KLHL28: variants seen among roughly 807,000 people sequenced by gnomAD.
KLHL28 encodes the protein kelch like family member 28.
A neutral mutation model predicts 48.3 loss-of-function variants in KLHL28; 22 were observed. The observed-to-expected ratio is 0.46, with a 90% confidence interval of 0.33 to 0.65. The LOEUF (loss-of-function observed/expected upper bound fraction) is 0.65, where lower values mean the gene tolerates loss of function less well. Ranked by LOEUF, KLHL28 falls within the 30% of genes least tolerant of loss-of-function variation. The probability of loss-of-function intolerance (pLI) is 0.03; values close to 1 mark genes in which losing one functional copy is unlikely to be tolerated. For synonymous variants in KLHL28, 243 were observed against 242.4 expected (o/e 1.00, Z -0.02); for missense variants, 527 against 704.3 (o/e 0.75, Z 2.85).
At position 44,926,827 on chromosome 14, in the gene KLHL28, C is replaced by T. The variant is rs760076781; in HGVS notation, c.*2201G>A. The T allele has an allele frequency of 1.3e-5, 2 of 152,130 alleles. No homozygotes were observed. The highest frequency in any genetic ancestry group is 2.9e-5 in the Non-Finnish European group (2 of 68,012). 9.4% of individuals were successfully genotyped at this position (152,130 alleles called of 1,614,324 possible). A position where few individuals can be genotyped will look rare whatever the true frequency, so the allele number is the denominator to read the frequency against. On this transcript the variant is annotated 3_prime_UTR_variant, in exon 5 of 5. Coordinates refer to ENST00000396128, the MANE Select transcript of KLHL28 (RefSeq NM_017658.5). ...CCGTCCTAAAATCATTTTCCACAGT[C>T]TTTCAAATTCCCTTATCTTTTGGGA...
At chr14:44,949,682 T>A (rs1884492595) in intron 1 of KLHL28, among the ~76,000 whole-genome samples, 1 of 152,110 alleles carries the variant, frequency 6.6e-6, no homozygotes, top group Non-Finnish European at 1.5e-5. Flanking sequence ...AAGACTTATA[T>A]CTAACAAGAA....
intron 1 of KLHL28, among the ~76,000 whole-genome samples, chr14:44,947,696 GA>G (rs1884396321): frequency 6.6e-6 from 1 of 152,060 alleles, no homozygotes; most frequent in Admixed American, 6.6e-5. Context: ...TTTTTAAGTG[GA>G]AAAAATCCAA....
At position 44,934,240 on chromosome 14, in the gene KLHL28, G is replaced by A; in HGVS notation, c.1218C>T (p.Tyr406=). 6.2e-7 allele frequency: 1 copy of A among 1,614,140 alleles called. No individual in the cohort carries two copies. Among genetic ancestry groups the A allele is most frequent in the Non-Finnish European group, 8.5e-7 (1 of 1,180,010 alleles). Residue 406 remains tyrosine, a synonymous_variant, in exon 3 of 5, where the codon TAC becomes TAT. Transcript: ENST00000396128. ...GTTGCCATTTTCTTATTTTGGGAAT[G>A]TACTTCTCTACAGATTGTAAATAAG... ...GQSYLQSVEK[Y]IPKIRKWQPV... is the part of the protein sequence containing the mutation.
At chr14:44,932,750 C>T (rs1387507204) in intron 3 of KLHL28, among the ~76,000 whole-genome samples, 1 of 152,178 alleles carries the variant, frequency 6.6e-6, no homozygotes, top group Non-Finnish European at 1.5e-5. Flanking sequence ...ATTTAAAATA[C>T]TTAACCTTTT....
chr14:44,935,504 C>T (rs901215434), intron 2 of KLHL28, among the ~76,000 whole-genome samples: 2 of 152,060 alleles, frequency 1.3e-5, no homozygotes, highest in African/African-American at 4.8e-5. Context: ...CACTATATAA[C>T]ATATCAATTA....
chr14:44,951,386 A>G (rs1884573671), intron 1 of KLHL28, among the ~76,000 whole-genome samples: 1 of 152,190 alleles, frequency 6.6e-6, no homozygotes, highest in African/African-American at 2.4e-5. Context: ...GCCTACATGG[A>G]TACATGCAAG....
Position 44,946,995 on chromosome 14 carries a change from T to C in KLHL28, c.1-1067A>G, listed in dbSNP as rs899979396. On this transcript the variant is annotated intron_variant, in intron 1 of 4. Transcript: ENST00000396128. ...GAAAGTGGAGAGACAATAAAGACTA[T>C]GGTAGGCAGAATAATGGCTCCCCAA... is the stretch of plus-strand genomic sequence containing the variant. Among the ~76,000 whole-genome samples the C allele has an allele frequency of 6.6e-5, 10 of 152,228 alleles. No homozygotes were observed. The East Asian group carries it at 1.7e-3, about 26-fold the overall frequency.
chr14:44,957,978 A>G (rs965313592), intron 1 of KLHL28, among the ~76,000 whole-genome samples: 6 of 152,014 alleles, frequency 3.9e-5, no homozygotes, highest in African/African-American at 1.4e-4. Flanking sequence ...AAAATGAAAT[A>G]AAGAAGGATC....
rs1884331620 is a variant in KLHL28 at position 44,946,251 on chromosome 14, A to T, written c.1-323T>A. Among the ~76,000 whole-genome samples, 3 of 152,196 alleles carry T rather than the reference A, an allele frequency of 2.0e-5. No homozygotes were observed. The South Asian group carries it at 6.2e-4, about 31-fold the overall frequency. ...TTTTCATTTTGTTTCCCCTGCATTA[A>T]ATTCAAGTCTGAGCTATCACTGAAA... On this transcript the variant is annotated intron_variant, in intron 1 of 4. Coordinates refer to ENST00000396128, the MANE Select transcript of KLHL28 (RefSeq NM_017658.5).
chr14:44,935,682 A>G (rs1187004596), intron 2 of KLHL28, among the ~76,000 whole-genome samples: 1 of 151,370 alleles, frequency 6.6e-6, no homozygotes, highest in East Asian at 1.9e-4. Context: ...AAGCAAGGGA[A>G]TAGTTCGTAA....
chr14:44,934,266 A>T lies in KLHL28; in HGVS notation c.1192T>A (p.Ser398Thr), dbSNP rs1344922730. 1 of 1,614,142 alleles carries T rather than the reference A, an allele frequency of 6.2e-7. No individual in the cohort carries two copies. The highest frequency in any genetic ancestry group is 8.5e-7 in the Non-Finnish European group (1 of 1,180,020). Residue 398 changes from serine (S) to threonine (T), a missense_variant, in exon 3 of 5, where the codon TCT (serine) becomes ACT (threonine). By Grantham distance (58) the Ser-to-Thr change is moderately conservative. Transcript: ENST00000396128. ...LYALGGYDGQ[S>T]YLQSVEKYIP... is the part of the protein sequence containing the mutation. ...TACTTCTCTACAGATTGTAAATAAGATTGTCCATCATAACCACCTAAGGCA... is the reference window on the plus strand; with the variant it reads ...TACTTCTCTACAGATTGTAAATAAGTTTGTCCATCATAACCACCTAAGGCA...
chr14:44,958,165 G>T (rs1269551840), intron 1 of KLHL28, among the ~76,000 whole-genome samples: 1 of 149,556 alleles, frequency 6.7e-6, no homozygotes, highest in Non-Finnish European at 1.5e-5. Context: ...GTATCCATTT[G>T]AAATTAAAAT....
chr14:44,955,854 AT>A (rs1280994454), intron 1 of KLHL28, among the ~76,000 whole-genome samples: 1 of 152,210 alleles, frequency 6.6e-6, no homozygotes, highest in African/African-American at 2.4e-5. Context: ...CATATAAAAA[AT>A]ATTCAGGGGC....
chr14:44,931,277 A>T, intron 4 of KLHL28, 56 bp downstream of exon 4: 1 of 1,094,868 alleles, frequency 9.1e-7, no homozygotes, highest in Non-Finnish European at 1.4e-6. Context: ...TATTGCAAGC[A>T]CATCATTATA....
chr14:44,958,855 T>G (rs1294726809), intron 1 of KLHL28, among the ~76,000 whole-genome samples: 1 of 152,074 alleles, frequency 6.6e-6, no homozygotes, highest in Non-Finnish European at 1.5e-5. Flanking sequence ...TAGTTTTGAC[T>G]GAAGACAGAA....
At position 44,945,691 on chromosome 14, in the gene KLHL28, A is replaced by G. The variant is rs1372759456; in HGVS notation, c.238T>C (p.Cys80Arg). 1.2e-6 allele frequency: 2 copies of G among 1,614,142 alleles called. No homozygotes were observed. Among genetic ancestry groups the G allele is most frequent in the South Asian group, 1.1e-5 (1 of 91,078 alleles). ...GCCTGGAGAGCAGTTTCATCAATGCATTGAAACTCAACCTCACTGTTCTCT... is the reference window on the plus strand; with the variant it reads ...GCCTGGAGAGCAGTTTCATCAATGCGTTGAAACTCAACCTCACTGTTCTCT... ...EKENSEVEFQ[C>R]IDETALQAIV... The change falls in exon 2 of 5, where the codon TGC becomes CGC. Residue 80 changes from cysteine (C) to arginine (R), a missense_variant. Cys to Arg is a radical substitution (Grantham distance 180, BLOSUM62 -3). Transcript: ENST00000396128.
intron 4 of KLHL28, among the ~76,000 whole-genome samples, 182 bp downstream of exon 4, chr14:44,931,150 TA>T (rs1211951298): frequency 6.6e-6 from 1 of 151,786 alleles, no homozygotes; most frequent in Non-Finnish European, 1.5e-5. Context: ...AAAGTCACAA[TA>T]AAGAAATCTA....
chr14:44,960,758 G>A lies in KLHL28; in HGVS notation c.-1+1088C>T, dbSNP rs191027873. The A allele has an allele frequency of 2.1e-3, 318 of 148,234 alleles. 2 individuals carry two copies. The highest frequency in any genetic ancestry group is 9.0e-3 in the African/African-American group (270 of 30,064). The allele number at this position is 148,234 out of a possible 1,614,324, so 9.2% of individuals were successfully genotyped here. On this transcript the variant is annotated intron_variant, in intron 1 of 4. Transcript: ENST00000396128. The stretch of plus-strand genomic sequence containing the variant: ...ACAAAACAAAACTGATATTCAAATC[G>A]TACTTTAAGGCAAAAATCCAGAAAT...
At chr14:44,955,029 G>A (rs1476735746) in intron 1 of KLHL28, among the ~76,000 whole-genome samples, 1 of 152,060 alleles carries the variant, frequency 6.6e-6, no homozygotes, top group Non-Finnish European at 1.5e-5. Context: ...CTGTTAATGT[G>A]TGTATTGTGC....
Sources: allele counts gnomAD v4.1 joint callset (sites outside exome capture counted in the v4.1 genomes callset), GRCh38; gene constraint gnomAD v4.1.1; transcripts MANE v1.5; gene names NCBI Gene and HGNC (gene_info 2026-07-23, HGNC 2026-07-21).